The following FRAS1 variants were observed in gnomAD, a reference collection of about 807,000 sequenced individuals.
FRAS1 encodes Fraser extracellular matrix complex subunit 1.
In FRAS1, 290 loss-of-function variants were observed where a neutral mutation model predicts 435.2. The ratio of observed to expected loss-of-function variants is 0.67; its 90% CI spans 0.61 to 0.73. FRAS1 has a LOEUF of 0.73. Among genes scored for constraint, FRAS1 ranks in the 30% least tolerant of loss-of-function variants. FRAS1 has a pLI of 0.00. For missense variants in FRAS1, 4,860 were observed against 5,001.5 expected, an observed-to-expected ratio of 0.97 and a Z score of 0.85; for synonymous variants, 1,800 against 1,851.0, an observed-to-expected ratio of 0.97 and a Z score of 0.71.
At chr4:78,323,671 T>A (rs7676910) in intron 18 of FRAS1, among the ~76,000 whole-genome samples, 1 of 151,874 alleles carries the variant, frequency 6.6e-6, no homozygotes, top group African/African-American at 2.4e-5. Flanking sequence ...CCTCCCGGAG[T>A]CACTAGTGAC....
intron 72 of FRAS1, among the ~76,000 whole-genome samples, chr4:78,538,048 A>G (rs1208484204): frequency 2.0e-5 from 3 of 152,224 alleles, no homozygotes; most frequent in East Asian, 3.8e-4. Flanking sequence ...ACAAAACAGC[A>G]TATCACAACT....
intron 59 of FRAS1, 82 bp downstream of exon 59, chr4:78,489,162 C>T (rs936595623): frequency 1.5e-6 from 2 of 1,338,284 alleles, no homozygotes; most frequent in Non-Finnish European, 2.0e-6. Context: ...ATATAAATTC[C>T]AAAAATTCTC....
rs10526590 is a variant in FRAS1, at chr4:78,312,179, C to CATATATATATATATATATATATATATAT, written c.1679-3395_1679-3394insATATATATATATATATATATATATATAT. Among the ~76,000 whole-genome samples, 235 of 128,448 alleles carry CATATATATATATATATATATATATATAT rather than the reference C, an allele frequency of 1.8e-3. 4 individuals carry two copies. The highest frequency in any genetic ancestry group is 3.1e-3 in the Non-Finnish European group (182 of 58,324). 84.3% of individuals were successfully genotyped at this position (128,448 alleles called of 152,430 possible). On this transcript the variant is annotated intron_variant, in intron 15 of 73. Coordinates refer to ENST00000512123, the MANE Select transcript of FRAS1 (RefSeq NM_025074.7). ...TTAGGTTGTCGAGCCATCTGAAGTCCATATATATATATATATATATGGGTT... is the reference window on the plus strand; with the variant it reads ...TTAGGTTGTCGAGCCATCTGAAGTCCATATATATATATATATATATATATATATATATATATATATATATATATGGGTT...
chr4:78,274,503 T>TG (rs1043126514), intron 9 of FRAS1, among the ~76,000 whole-genome samples: 2 of 152,224 alleles, frequency 1.3e-5, no homozygotes, highest in African/African-American at 4.8e-5. Flanking sequence ...CCAGAGATTC[T>TG]GGTATGTTGT....
intron 2 of FRAS1, among the ~76,000 whole-genome samples, chr4:78,114,549 C>G (rs1743000788): frequency 1.3e-5 from 2 of 152,012 alleles, no homozygotes; most frequent in South Asian, 4.1e-4. Flanking sequence ...CTTCATGTCC[C>G]TTTAAGTTGG....
intron 2 of FRAS1, among the ~76,000 whole-genome samples, chr4:78,199,892 T>G (rs765649482): frequency 2.6e-5 from 4 of 152,234 alleles, no homozygotes; most frequent in Non-Finnish European, 4.4e-5. Context: ...AAGTTAGCCC[T>G]AATGATGATG....
rs529159859 is a variant in FRAS1 at position 78,195,555 on chromosome 4, G to A, written c.109-41955G>A. Among the ~76,000 whole-genome samples the A allele has an allele frequency of 3.4e-4, 52 of 152,350 alleles. No individual in the cohort carries two copies. In the Middle Eastern group the frequency reaches 0.01, roughly 30 times the overall value. On this transcript the variant is annotated intron_variant, in intron 2 of 73. Transcript: ENST00000512123. The stretch of plus-strand genomic sequence containing the variant: ...TAGCAATGAGCAAGGCTCTGTGGGC[G>A]TAGGACCCTTCGAGCCAGGCGTGGG...
In FRAS1 at chr4:78,491,266, C is replaced by T. The variant is rs1269433410; in HGVS notation, c.8958+2186C>T. On this transcript the variant is annotated intron_variant, in intron 59 of 73. Coordinates refer to ENST00000512123, the MANE Select transcript of FRAS1 (RefSeq NM_025074.7). ...GGTACCATTACTTCTGAAACTATTC[C>T]AAACAATAGAAAAAGAGGGACTCCT... is the stretch of plus-strand genomic sequence containing the variant. Among the ~76,000 whole-genome samples the T allele has an allele frequency of 2.0e-5, 3 of 152,188 alleles. No individual in the cohort carries two copies. The East Asian group carries it at 5.8e-4, about 29-fold the overall frequency.
At chr4:78,414,488 A>G (rs1219326879) in intron 32 of FRAS1, among the ~76,000 whole-genome samples, 2 of 152,252 alleles carry the variant, frequency 1.3e-5, no homozygotes, top group Admixed American at 1.3e-4. Flanking sequence ...GTCTACTCGT[A>G]CGTTACTTAA....
intron 20 of FRAS1, among the ~76,000 whole-genome samples, chr4:78,345,930 G>T (rs1730590758): frequency 6.6e-6 from 1 of 151,338 alleles, no homozygotes; most frequent in Non-Finnish European, 1.5e-5. Flanking sequence ...ACCTTCTCTA[G>T]CTTTCATAAT....
At chr4:78,436,890 C>T (rs1734450646) in intron 38 of FRAS1, among the ~76,000 whole-genome samples, 1 of 151,930 alleles carries the variant, frequency 6.6e-6, no homozygotes, top group Non-Finnish European at 1.5e-5. Context: ...TAGTTATTCT[C>T]AAAGCTCTAG....
intron 2 of FRAS1, among the ~76,000 whole-genome samples, chr4:78,195,673 C>T (rs946005244): frequency 1.6e-4 from 24 of 152,284 alleles, no homozygotes; most frequent in Non-Finnish European, 3.2e-4. Context: ...TGTCTTGTCA[C>T]CCCTTTCTTT....
chr4:78,369,052 G>T (rs1163603793), intron 22 of FRAS1, among the ~76,000 whole-genome samples: 1 of 152,232 alleles, frequency 6.6e-6, no homozygotes. Flanking sequence ...CCAATTAGGA[G>T]GCTGTGATAG....
chr4:78,444,055 A>C, intron 41 of FRAS1: 1 of 393,616 alleles, frequency 2.5e-6, no homozygotes, highest in South Asian at 1.9e-5. Context: ...GGGTCTCACT[A>C]AGTTGCCTAG....
chr4:78,275,651 C>G lies in FRAS1; in HGVS notation c.982-3004C>G, dbSNP rs528261293. Among the ~76,000 whole-genome samples the G allele has an allele frequency of 6.6e-5, 10 of 152,344 alleles. No homozygotes were observed. In the South Asian group the frequency reaches 1.7e-3, roughly 25 times the overall value. ...AATGTTGAAAATTGGCCCCCACTCT[C>G]TTCTGGCTTGTATAGTTTCTGCCAA... On this transcript the variant is annotated intron_variant, in intron 9 of 73. Coordinates refer to ENST00000512123, the MANE Select transcript of FRAS1 (RefSeq NM_025074.7).
At chr4:78,327,084 C>T (rs1398340731) in intron 18 of FRAS1, among the ~76,000 whole-genome samples, 1 of 152,160 alleles carries the variant, frequency 6.6e-6, no homozygotes, top group Non-Finnish European at 1.5e-5. Context: ...AGACTGAGCA[C>T]AGTGGCTGAC....
At chr4:78,391,767 C>T (rs1165770128) in intron 29 of FRAS1, among the ~76,000 whole-genome samples, 1 of 152,138 alleles carries the variant, frequency 6.6e-6, no homozygotes, top group East Asian at 1.9e-4. Context: ...GGCTGTTTAT[C>T]TGTAGTAAGG....
At chr4:78,482,010 T>A (rs1331703188) in intron 57 of FRAS1, 46 bp downstream of exon 57, 3 of 1,577,838 alleles carry the variant, frequency 1.9e-6, no homozygotes, top group Non-Finnish European at 1.7e-6. Context: ...CAGGTCGGTT[T>A]GTGAATGTTG....
At chr4:78,241,559 A>T (rs1195988713) in intron 3 of FRAS1, among the ~76,000 whole-genome samples, 1 of 152,114 alleles carries the variant, frequency 6.6e-6, no homozygotes, top group Non-Finnish European at 1.5e-5. Context: ...AATTGAAGAG[A>T]TGGGAGTTAG....
Sources: allele counts gnomAD v4.1 joint callset (sites outside exome capture counted in the v4.1 genomes callset), GRCh38; gene constraint gnomAD v4.1.1; transcripts MANE v1.5; gene names NCBI Gene and HGNC (gene_info 2026-07-23, HGNC 2026-07-21).